Variants in PROS1 observed in about 807,000 individuals in gnomAD.
PROS1 encodes vitamin K-dependent protein S.
PROS1 carries 29 observed loss-of-function variants against 75.9 expected under a neutral mutation model. That is an observed-to-expected ratio of 0.38 (90% CI 0.28 to 0.52). The LOEUF (loss-of-function observed/expected upper bound fraction) is 0.52, where lower values mean the gene tolerates loss of function less well. Ranked by LOEUF, PROS1 falls within the 20% of genes least tolerant of loss-of-function variation. PROS1 has a pLI of 0.83. For synonymous variants in PROS1, 245 were observed against 280.6 expected (o/e 0.87, Z 1.27); for missense variants, 680 against 810.3 (o/e 0.84, Z 1.95).
At chr3:93,964,680 T>C (rs1709761013) in intron 1 of PROS1, among the ~76,000 whole-genome samples, 1 of 152,228 alleles carries the variant, frequency 6.6e-6, no homozygotes, top group South Asian at 2.1e-4. Flanking sequence ...CTTTGAAGCA[T>C]GTGATCTTTG....
Position 93,900,806 on chromosome 3 carries a change from T to A in PROS1, c.725A>T (p.Glu242Val). The A allele has an allele frequency of 6.2e-7, 1 of 1,612,648 alleles. No individual in the cohort carries two copies. Among genetic ancestry groups the A allele is most frequent in the Non-Finnish European group, 8.5e-7 (1 of 1,179,812 alleles). ...YRYNLKSKSC[E>V]DIDECSENMC... ...TAATGATACCACCATCATCCTACCT[T>A]CACAAGACTTTGATTTGAGATTATA... is the stretch of plus-strand genomic sequence containing the variant. Residue 242 changes from glutamate to valine, a missense_variant and splice_region_variant, in exon 7 of 15, where the codon GAA becomes GTA. Coordinates refer to ENST00000394236, the MANE Select transcript of PROS1 (RefSeq NM_000313.4).
At chr3:93,883,742 G>A (rs1045679978) in intron 12 of PROS1, among the ~76,000 whole-genome samples, 1 of 151,836 alleles carries the variant, frequency 6.6e-6, no homozygotes, top group African/African-American at 2.4e-5. Context: ...GGCCAAGGGG[G>A]TGGATCATGA....
At chr3:93,955,926 G>A (rs552509473) in intron 1 of PROS1, among the ~76,000 whole-genome samples, 1 of 152,098 alleles carries the variant, frequency 6.6e-6, no homozygotes, top group Non-Finnish European at 1.5e-5. Context: ...TTGCTTAACA[G>A]AACTGACCAT....
intron 2 of PROS1, among the ~76,000 whole-genome samples, chr3:93,926,477 C>CA (rs1337764103): frequency 6.6e-6 from 1 of 152,026 alleles, no homozygotes; most frequent in East Asian, 1.9e-4. Flanking sequence ...ACTAAAAATA[C>CA]AAAAATTAGC....
intron 3 of PROS1, among the ~76,000 whole-genome samples, chr3:93,923,303 C>G (rs1708970187): frequency 6.6e-6 from 1 of 152,084 alleles, no homozygotes; most frequent in African/African-American, 2.4e-5. Context: ...TATCTTTATC[C>G]AAATGTACTC....
chr3:93,934,874 G>A lies in PROS1; in HGVS notation c.77-7467C>T, dbSNP rs1576202627. On this transcript the variant is annotated intron_variant, in intron 1 of 14. Transcript: ENST00000394236. Reference sequence around the variant, plus strand: ...TGAACTGTTTAACAACAACAGAAGTGAAACGGACCTCTCCTTACACCAAGA... The same window carrying A: ...TGAACTGTTTAACAACAACAGAAGTAAAACGGACCTCTCCTTACACCAAGA... Among the ~76,000 whole-genome samples, 3 of 151,626 alleles carry A rather than the reference G, an allele frequency of 2.0e-5. No homozygotes were observed. In the East Asian group the frequency reaches 5.8e-4, roughly 29 times the overall value.
At chr3:93,894,003 T>G (rs2045531141) in intron 9 of PROS1, among the ~76,000 whole-genome samples, 1 of 152,122 alleles carries the variant, frequency 6.6e-6, no homozygotes, top group Non-Finnish European at 1.5e-5. Flanking sequence ...GCATTGAAGT[T>G]TCCAAGGGAC....
intron 3 of PROS1, among the ~76,000 whole-genome samples, chr3:93,913,505 T>C (rs8178618): frequency 3.3e-4 from 51 of 152,300 alleles, no homozygotes; most frequent in African/African-American, 1.2e-3. Context: ...CATGTGGAAC[T>C]GTGAGTCAAT....
intron 1 of PROS1, among the ~76,000 whole-genome samples, chr3:93,957,834 G>T (rs959151212): frequency 6.6e-6 from 1 of 152,032 alleles, no homozygotes; most frequent in Non-Finnish European, 1.5e-5. Context: ...GGCTTAATTG[G>T]CTCACAGTTC....
intron 1 of PROS1, among the ~76,000 whole-genome samples, chr3:93,968,331 C>A (rs1175737603): frequency 1.3e-5 from 2 of 152,106 alleles, no homozygotes; most frequent in Non-Finnish European, 2.9e-5. Flanking sequence ...TGTGAAGACA[C>A]AGGAATAATG....
intron 1 of PROS1, among the ~76,000 whole-genome samples, chr3:93,954,090 G>T (rs1329569660): frequency 6.6e-6 from 1 of 152,130 alleles, no homozygotes; most frequent in Non-Finnish European, 1.5e-5. Flanking sequence ...ACAAAAAAAT[G>T]GAAGAACATT....
At chr3:93,882,428 C>A (rs185720357) in intron 12 of PROS1, among the ~76,000 whole-genome samples, 7 of 152,236 alleles carry the variant, frequency 4.6e-5, no homozygotes, top group Admixed American at 1.3e-4. Flanking sequence ...CCACTCCCAC[C>A]CTTACAACAA....
chr3:93,970,735 C>T (rs1353950411), intron 1 of PROS1, among the ~76,000 whole-genome samples: 1 of 152,012 alleles, frequency 6.6e-6, no homozygotes, highest in Non-Finnish European at 1.5e-5. Context: ...TAGTTAATAT[C>T]TCTGAACAAT....
chr3:93,922,003 C>T (rs1287783538), intron 3 of PROS1, among the ~76,000 whole-genome samples: 3 of 152,098 alleles, frequency 2.0e-5, no homozygotes, highest in African/African-American at 7.2e-5. Context: ...ATTATCAAAT[C>T]TGTTTTGTCA....
intron 1 of PROS1, among the ~76,000 whole-genome samples, chr3:93,973,060 G>A (rs913555551): frequency 7.9e-5 from 12 of 152,132 alleles, no homozygotes; most frequent in African/African-American, 2.9e-4. Flanking sequence ...CAGATCAGTG[G>A]CATGCAGTGT....
rs372602802 is a variant in PROS1, at chr3:93,972,684, C to CAA, written c.76+988_76+989dup. 9.3e-3 allele frequency among the ~76,000 whole-genome samples: 1,042 copies of CAA among 112,064 alleles called. 11 individuals carry two copies. The highest frequency in any genetic ancestry group is 0.033 in the African/African-American group (930 of 28,082). 73.5% of individuals were successfully genotyped at this position (112,064 alleles called of 152,430 possible). A position where few individuals can be genotyped will look rare whatever the true frequency, so the allele number is the denominator to read the frequency against. ...TGAAACCCCGTCTCTAGTAAAAATA[C>CAA]AAAAAAAAAAAAAAAATAGCCGGGT... On this transcript the variant is annotated intron_variant, in intron 1 of 14. Coordinates refer to ENST00000394236, the MANE Select transcript of PROS1 (RefSeq NM_000313.4).
chr3:93,973,137 G>T (rs534987214), intron 1 of PROS1, among the ~76,000 whole-genome samples: 1 of 152,242 alleles, frequency 6.6e-6, no homozygotes, highest in South Asian at 2.1e-4. Context: ...TTTGATTTCA[G>T]GGTTAGAAAG....
chr3:93,965,137 G>T (rs1005584574), intron 1 of PROS1, among the ~76,000 whole-genome samples: 2 of 152,172 alleles, frequency 1.3e-5, no homozygotes, highest in Non-Finnish European at 2.9e-5. Flanking sequence ...CATTCGAGCC[G>T]GCAATGGCAA....
At position 93,896,632 on chromosome 3, in the gene PROS1, C is replaced by A. The variant is rs537938359; in HGVS notation, c.909G>T (p.Ala303=). 2 of 1,613,640 alleles carry A rather than the reference C, an allele frequency of 1.2e-6. No individual in the cohort carries two copies. The highest frequency in any genetic ancestry group is 1.7e-6 in the Non-Finnish European group (2 of 1,179,840). The part of the protein sequence containing the change: ...LDTKYELLYL[A]EQFAGVVLYL... ...ATAAAACAACCCCTGCAAACTGCTCCGCCAAGTAAAGTAATTCATACTTTG... is the reference window on the plus strand; with the variant it reads ...ATAAAACAACCCCTGCAAACTGCTCAGCCAAGTAAAGTAATTCATACTTTG... The change falls in exon 9 of 15, where the codon GCG becomes GCT. Residue 303 remains alanine, a synonymous_variant. Transcript: ENST00000394236.
Sources: gnomAD v4.1 joint callset for allele counts (sites outside exome capture counted in the v4.1 genomes callset) on GRCh38, gnomAD v4.1.1 for gene constraint, MANE v1.5 for transcripts, NCBI Gene and HGNC (gene_info 2026-07-23, HGNC 2026-07-21) for gene names.